DYNC2I1: variants seen among roughly 807,000 people sequenced by gnomAD.
The protein encoded by DYNC2I1 is cytoplasmic dynein 2 intermediate chain 1.
A neutral mutation model predicts 133.4 loss-of-function variants in DYNC2I1; 89 were observed. The ratio of observed to expected loss-of-function variants is 0.67; its 90% CI spans 0.56 to 0.80. The LOEUF (loss-of-function observed/expected upper bound fraction) is 0.80, where lower values mean the gene tolerates loss of function less well. Among genes scored for constraint, DYNC2I1 ranks in the 30% least tolerant of loss-of-function variants. DYNC2I1 has a pLI of 0.00. For missense variants in DYNC2I1, 1,291 were observed against 1,314.5 expected (o/e 0.98, Z 0.28); for synonymous variants, 504 against 484.3 (o/e 1.04, Z -0.54).
intron 1 of DYNC2I1, among the ~76,000 whole-genome samples, chr7:158,858,764 T>C (rs1320440678): frequency 1.3e-5 from 2 of 151,650 alleles, no homozygotes; most frequent in Non-Finnish European, 2.9e-5. Flanking sequence ...AGTGTCTCCC[T>C]CTTTTTTGAA....
In DYNC2I1 at chr7:158,945,568, C is replaced by T. The variant is rs1851804206; in HGVS notation, c.3003-13C>T. On this transcript the variant is annotated splice_polypyrimidine_tract_variant and intron_variant, in intron 24 of 24. Coordinates refer to ENST00000407559, the MANE Select transcript of DYNC2I1 (RefSeq NM_018051.5). The surrounding 1 kb of genome is among the most constrained non-coding windows in gnomAD (Gnocchi z 4.1). ...TGTGCACTGACCCTCTGCTTCTGCC[C>T]CTCTCCCTGCAGGCTGGTGGCCATG... The T allele has an allele frequency of 3.1e-6, 5 of 1,595,056 alleles. No homozygotes were observed. Among genetic ancestry groups the T allele is most frequent in the Non-Finnish European group, 4.3e-6 (5 of 1,171,490 alleles).
intron 3 of DYNC2I1, among the ~76,000 whole-genome samples, chr7:158,876,194 C>T (rs1372203977): frequency 6.6e-6 from 1 of 152,134 alleles, no homozygotes; most frequent in African/African-American, 2.4e-5. Flanking sequence ...AGGGCCAGAG[C>T]AGGAGGAAGG....
At position 158,883,959 on chromosome 7, in the gene DYNC2I1, C is replaced by T. The variant is rs1327861085; in HGVS notation, c.880-605C>T. Among the ~76,000 whole-genome samples the T allele has an allele frequency of 9.2e-5, 14 of 151,888 alleles. No homozygotes were observed. In the East Asian group the frequency reaches 1.4e-3, roughly 15 times the overall value. ...GATTACAAGCGTGAGCCACCGCGCCCGGCCCAGTGACTTCTTTAATAGAAG... is the reference window on the plus strand; with the variant it reads ...GATTACAAGCGTGAGCCACCGCGCCTGGCCCAGTGACTTCTTTAATAGAAG... On this transcript the variant is annotated intron_variant, in intron 5 of 24. Transcript: ENST00000407559.
At chr7:158,908,182 T>G (rs2129484247) in intron 11 of DYNC2I1, among the ~76,000 whole-genome samples, 1 of 152,162 alleles carries the variant, frequency 6.6e-6, no homozygotes, top group East Asian at 1.9e-4. Flanking sequence ...TAGAGGCACT[T>G]TTACTACTAG....
At chr7:158,846,129 C>T in the DYNC2I1 span, among the ~76,000 whole-genome samples, 5 of 152,004 alleles carry the variant, frequency 3.3e-5, no homozygotes, top group African/African-American at 9.7e-5. Context: ...CATGGTGGTG[C>T]GCACCTGTAG....
chr7:158,839,906 A>G, the DYNC2I1 span, among the ~76,000 whole-genome samples: 3 of 151,876 alleles, frequency 2.0e-5, no homozygotes, highest in Non-Finnish European at 4.4e-5. Context: ...CGGCAGCCCC[A>G]GCCTCTTGGG....
upstream of DYNC2I1, among the ~76,000 whole-genome samples, chr7:158,852,827 C>A (rs986453457): frequency 1.3e-5 from 2 of 152,218 alleles, no homozygotes; most frequent in East Asian, 3.9e-4. Context: ...ACAAAAGTCT[C>A]TAAAAATCCT....
chr7:158,902,240 A>G, intron 9 of DYNC2I1, 136 bp from the exon 10 acceptor site: 1 of 716,940 alleles, frequency 1.4e-6, no homozygotes, highest in South Asian at 2.0e-5. Flanking sequence ...AAATCAGGGA[A>G]CTATAAATAT....
At chr7:158,881,704 T>C (rs368736929) in intron 5 of DYNC2I1, among the ~76,000 whole-genome samples, 180 of 152,288 alleles carry the variant, frequency 1.2e-3, no homozygotes, top group African/African-American at 2.6e-3. Flanking sequence ...CCGCCCGCCT[T>C]GGCCTCCCAA....
intron 8 of DYNC2I1, among the ~76,000 whole-genome samples, chr7:158,893,003 A>G (rs1845387192): frequency 6.6e-6 from 1 of 151,710 alleles, no homozygotes; most frequent in Non-Finnish European, 1.5e-5. Context: ...TCGCCCCCAC[A>G]CATGAATAGC....
In DYNC2I1 at chr7:158,857,534, G is replaced by GTTTT. The variant is rs374994955; in HGVS notation, c.15+786_15+789dup. Among the ~76,000 whole-genome samples, 181 of 131,386 alleles carry GTTTT rather than the reference G, an allele frequency of 1.4e-3. 17 individuals carry two copies. Among genetic ancestry groups the GTTTT allele is most frequent in the African/African-American group, 4.4e-3 (142 of 32,114 alleles). The allele number at this position is 131,386 out of a possible 152,430, so 86.2% of individuals were successfully genotyped here. A position where few individuals can be genotyped will look rare whatever the true frequency, so the allele number is the denominator to read the frequency against. On this transcript the variant is annotated intron_variant, in intron 1 of 24. Transcript: ENST00000407559. ...GTATTTTATGTTATATAAACCTTAG[G>GTTTT]TTTTTGTTTTTTTTTTTTTTTTGAG...
At chr7:158,851,844 G>T (rs1841066173), upstream of DYNC2I1, among the ~76,000 whole-genome samples, 1 of 152,150 alleles carries the variant, frequency 6.6e-6, no homozygotes, top group Non-Finnish European at 1.5e-5. Flanking sequence ...CTACAATTTT[G>T]ATTCATATTT....
At chr7:158,915,834 C>T (rs1469950359) in intron 14 of DYNC2I1, among the ~76,000 whole-genome samples, 5 of 142,492 alleles carry the variant, frequency 3.5e-5, no homozygotes, top group East Asian at 4.3e-4. Context: ...GATTGTGAAA[C>T]GTCAACACGC....
intron 4 of DYNC2I1, among the ~76,000 whole-genome samples, chr7:158,878,726 C>A (rs973616223): frequency 3.8e-5 from 5 of 129,938 alleles, no homozygotes; most frequent in Non-Finnish European, 6.4e-5. Context: ...GCGAGGAGGG[C>A]AGACTGTGAG....
intron 7 of DYNC2I1, 42 bp from the exon 8 acceptor site, chr7:158,891,223 C>T (rs754330388): frequency 6.2e-7 from 1 of 1,611,934 alleles, no homozygotes; most frequent in Non-Finnish European, 8.5e-7. Flanking sequence ...CCCTGGAGTC[C>T]CACCTGTGTC....
chr7:158,844,586 A>G, the DYNC2I1 span, among the ~76,000 whole-genome samples: 5 of 152,086 alleles, frequency 3.3e-5, no homozygotes, highest in African/African-American at 9.7e-5. Context: ...CAATTATGCA[A>G]TCCTCTCTGG....
At chr7:158,873,275 A>G (rs1452944296) in intron 3 of DYNC2I1, among the ~76,000 whole-genome samples, 1 of 152,218 alleles carries the variant, frequency 6.6e-6, no homozygotes, top group Non-Finnish European at 1.5e-5. Context: ...ATATAAATGC[A>G]GAAGGAATCT....
At chr7:158,936,424 A>G (rs113608406) in intron 23 of DYNC2I1, among the ~76,000 whole-genome samples, 127 of 152,294 alleles carry the variant, frequency 8.3e-4, no homozygotes, top group South Asian at 4.6e-3. Context: ...TTCCATATCC[A>G]CAATGTCCCT....
chr7:158,916,330 A>G (rs1848282630), intron 14 of DYNC2I1, among the ~76,000 whole-genome samples: 2 of 97,826 alleles, frequency 2.0e-5, no homozygotes, highest in East Asian at 2.3e-4. Context: ...TGAAACGTCT[A>G]CACGCTGGTT....
Sources: gnomAD v4.1 joint callset for allele counts (sites outside exome capture counted in the v4.1 genomes callset) on GRCh38, gnomAD v4.1.1 for gene constraint, Gnocchi (gnomAD v3.1) non-coding constraint, MANE v1.5 for transcripts, NCBI Gene and HGNC (gene_info 2026-07-23, HGNC 2026-07-21) for gene names.